SCTR: variants seen among roughly 807,000 people sequenced by gnomAD.
SCTR encodes pancreatic secretin receptor.
Under a neutral mutation model 60.8 loss-of-function variants are expected in SCTR, and 56 were observed. The observed-to-expected ratio is 0.92, with a 90% CI of 0.74 to 1.15. The LOEUF (loss-of-function observed/expected upper bound fraction) is 1.15. SCTR is among the 50% of genes most tolerant of loss of function. SCTR has a pLI of 0.00. For synonymous variants in SCTR, 202 were observed against 217.0 expected, an observed-to-expected ratio of 0.93 and a Z score of 0.61; for missense variants, 562 against 550.4, an observed-to-expected ratio of 1.02 and a Z score of -0.21.
At chr2:119,501,028 T>A (rs1427735406) in intron 1 of SCTR, among the ~76,000 whole-genome samples, 1 of 152,076 alleles carries the variant, frequency 6.6e-6, no homozygotes, top group East Asian at 1.9e-4. Context: ...ATTAAAAAAA[T>A]TTAATAACAA....
chr2:119,489,851 G>T (rs1678045812), intron 2 of SCTR, among the ~76,000 whole-genome samples: 1 of 152,164 alleles, frequency 6.6e-6, no homozygotes, highest in Admixed American at 6.5e-5. Flanking sequence ...TGGAACCACT[G>T]GAGAACAGTG....
chr2:119,490,651 A>G (rs1678079286), intron 2 of SCTR, among the ~76,000 whole-genome samples: 1 of 152,108 alleles, frequency 6.6e-6, no homozygotes, highest in South Asian at 2.1e-4. Flanking sequence ...CCTCATTCCC[A>G]GTCCAGCTCA....
At chr2:119,506,720 C>T (rs1416477316) in intron 1 of SCTR, among the ~76,000 whole-genome samples, 1 of 152,168 alleles carries the variant, frequency 6.6e-6, no homozygotes, top group African/African-American at 2.4e-5. Flanking sequence ...AAGCAATCCT[C>T]CTGCCTCAGC....
At position 119,440,211 on chromosome 2, in the gene SCTR, TCA is replaced by T; in HGVS notation, c.1227_1228del (p.Glu410ValfsTer84). 1 of 1,614,086 alleles carries T rather than the reference TCA, an allele frequency of 6.2e-7. No homozygotes were observed. On this transcript the variant is annotated frameshift_variant, in exon 13 of 13. Coordinates refer to ENST00000019103, the MANE Select transcript of SCTR (RefSeq NM_002980.3). LOFTEE classifies it high-confidence loss of function. ...GGAGGCCACGGGGTGCAGTGGGAAC[TCA>T]CGGAGGTGCCATTGCTGCCACTTCT...
At chr2:119,493,310 T>C (rs1473171157) in intron 2 of SCTR, among the ~76,000 whole-genome samples, 8 of 152,210 alleles carry the variant, frequency 5.3e-5, no homozygotes, top group African/African-American at 1.9e-4. Context: ...CATTCGTCAG[T>C]TGATGGGCAT....
chr2:119,462,304 A>G (rs1355910867), intron 6 of SCTR, among the ~76,000 whole-genome samples: 1 of 152,234 alleles, frequency 6.6e-6, no homozygotes, highest in African/African-American at 2.4e-5. Flanking sequence ...CAGTCCTTCA[A>G]CTACAGAACT....
intron 1 of SCTR, among the ~76,000 whole-genome samples, chr2:119,517,186 G>A (rs1360384226): frequency 6.6e-6 from 1 of 151,182 alleles, no homozygotes; most frequent in Non-Finnish European, 1.5e-5. Flanking sequence ...TTGAGACGGA[G>A]TCTCACTCTT....
chr2:119,477,912 C>T (rs564062872), intron 3 of SCTR, among the ~76,000 whole-genome samples: 1 of 152,310 alleles, frequency 6.6e-6, no homozygotes, highest in South Asian at 2.1e-4. Context: ...TTGAGTGAGG[C>T]TTCGAGGGAG....
chr2:119,497,663 G>T (rs768893820), intron 1 of SCTR, among the ~76,000 whole-genome samples: 2 of 152,020 alleles, frequency 1.3e-5, no homozygotes, highest in Non-Finnish European at 2.9e-5. Context: ...AGAAATAAAA[G>T]ATATAAAGAA....
intron 1 of SCTR, among the ~76,000 whole-genome samples, chr2:119,513,579 TTGCTAAAATCA>T (rs1268198887): frequency 6.6e-6 from 1 of 152,236 alleles, no homozygotes; most frequent in African/African-American, 2.4e-5. Context: ...TTTGGAAATA[TTGCTAAAATCA>T]TGTCAAAGTT....
At position 119,464,193 on chromosome 2, in the gene SCTR, G is replaced by A. The variant is rs773687225; in HGVS notation, c.566C>T (p.Ala189Val). 1.2e-6 allele frequency: 2 copies of A among 1,614,156 alleles called. No homozygotes were observed. Among genetic ancestry groups the A allele is most frequent in the South Asian group, 1.1e-5 (1 of 91,084 alleles). Residue 189 changes from alanine (A) to valine (V), a missense_variant, in exon 6 of 13, where the codon GCC becomes GTC. Ala to Val is a moderately conservative substitution (Grantham distance 64). Coordinates refer to ENST00000019103, the MANE Select transcript of SCTR (RefSeq NM_002980.3). ...GGCGTCCTTGATGAAGTTGGACAGG[G>A]CACGAAGGATGAAGGACACGAACAG... is the stretch of plus-strand genomic sequence containing the variant. ...MHLFVSFILR[A>V]LSNFIKDAVL...
At position 119,493,352 on chromosome 2, in the gene SCTR, A is replaced by AG. The variant is rs1304286150; in HGVS notation, c.193+1075dup. Reference sequence around the variant, plus strand: ...TGTTTCCACTTCTTCATCCTTGTGAAGGGGGCTGTTATGAACATCCATGTA... The same window carrying AG: ...TGTTTCCACTTCTTCATCCTTGTGAAGGGGGGCTGTTATGAACATCCATGTA... On this transcript the variant is annotated intron_variant, in intron 2 of 12. Transcript: ENST00000019103. 5.3e-5 allele frequency among the ~76,000 whole-genome samples: 8 copies of AG among 152,300 alleles called. No individual in the cohort carries two copies. The East Asian group carries it at 1.5e-3, about 29-fold the overall frequency.
intron 3 of SCTR, 44 bp downstream of exon 3, chr2:119,478,767 C>T (rs1245895076): frequency 2.5e-6 from 4 of 1,593,078 alleles, no homozygotes; most frequent in Non-Finnish European, 1.7e-6. Context: ...CCCAGAGGGA[C>T]ACCCCTCAGC....
At chr2:119,502,439 G>A (rs1268017574) in intron 1 of SCTR, among the ~76,000 whole-genome samples, 1 of 152,202 alleles carries the variant, frequency 6.6e-6, no homozygotes, top group Non-Finnish European at 1.5e-5. Flanking sequence ...TAGTAAAGAT[G>A]TCAGTTCTTT....
At chr2:119,508,654 G>T (rs1678837391) in intron 1 of SCTR, among the ~76,000 whole-genome samples, 1 of 151,982 alleles carries the variant, frequency 6.6e-6, no homozygotes, top group Admixed American at 6.6e-5. Context: ...CTCCCAAAGT[G>T]CTGGGATTAC....
At chr2:119,493,604 T>A (rs1678220437) in intron 2 of SCTR, among the ~76,000 whole-genome samples, 1 of 151,830 alleles carries the variant, frequency 6.6e-6, no homozygotes, top group Non-Finnish European at 1.5e-5. Context: ...TTTATCATTA[T>A]AATCCTGAAG....
chr2:119,487,659 C>T (rs1391268158), intron 2 of SCTR, among the ~76,000 whole-genome samples: 1 of 152,220 alleles, frequency 6.6e-6, no homozygotes, highest in East Asian at 1.9e-4. Flanking sequence ...TAATAAATAG[C>T]CCTGTGGGGC....
intron 9 of SCTR, 96 bp from the exon 10 acceptor site, chr2:119,448,876 T>C (rs1353622046): frequency 1.5e-6 from 1 of 688,710 alleles, no homozygotes; most frequent in African/African-American, 1.8e-5. Context: ...AGAGAAGACA[T>C]TGCAGACACC....
intron 2 of SCTR, among the ~76,000 whole-genome samples, chr2:119,491,265 T>G (rs924102610): frequency 6.6e-6 from 1 of 152,134 alleles, no homozygotes; most frequent in Non-Finnish European, 1.5e-5. Context: ...GGCTTTTGCT[T>G]CTCTTAGGAT....
Sources: allele counts gnomAD v4.1 joint callset (sites outside exome capture counted in the v4.1 genomes callset), GRCh38; gene constraint gnomAD v4.1.1; transcripts MANE v1.5; gene names NCBI Gene and HGNC (gene_info 2026-07-23, HGNC 2026-07-21).